The following SIPA1L3 variants were observed in gnomAD, a reference collection of about 807,000 sequenced individuals.
SIPA1L3 encodes signal induced proliferation associated 1 like 3, also known as signal-induced proliferation-associated 1-like protein 3.
In SIPA1L3, 59 loss-of-function variants were observed where a neutral mutation model predicts 150.1. The ratio of observed to expected loss-of-function variants is 0.39; its 90% CI spans 0.32 to 0.49. SIPA1L3 has a LOEUF of 0.49. SIPA1L3 is among the 20% of genes least tolerant of loss of function. SIPA1L3 has a pLI of 0.86. For synonymous variants in SIPA1L3, 1,070 were observed against 1,077.6 expected (o/e 0.99, Z 0.14); for missense variants, 2,211 against 2,489.5 (o/e 0.89, Z 2.38).
At position 38,100,189 on chromosome 19, in the gene SIPA1L3, G is replaced by A. The variant is rs577247012; in HGVS notation, c.1854+39G>A. The A allele has an allele frequency of 4.1e-6, 6 of 1,449,656 alleles. No individual in the cohort carries two copies. In the South Asian group the frequency reaches 4.3e-5, roughly 10 times the overall value. 89.8% of individuals were successfully genotyped at this position (1,449,656 alleles called of 1,614,324 possible). Reference sequence around the variant, plus strand: ...TGGAGGTGGGGGTGCTGCTGGGGCAGTACCTTGCAACCCCACTCCTGGTAG... The same window carrying A: ...TGGAGGTGGGGGTGCTGCTGGGGCAATACCTTGCAACCCCACTCCTGGTAG... On this transcript the variant is annotated intron_variant, in intron 5 of 21. Coordinates refer to ENST00000222345, the MANE Select transcript of SIPA1L3 (RefSeq NM_015073.3).
intron 2 of SIPA1L3, among the ~76,000 whole-genome samples, chr19:38,069,668 A>G (rs1397299758): frequency 6.6e-6 from 1 of 150,906 alleles, no homozygotes. Flanking sequence ...ATTTTTTTTT[A>G]TTTTTTATTT....
chr19:38,101,748 A>G (rs999022688), intron 6 of SIPA1L3, among the ~76,000 whole-genome samples: 2 of 152,116 alleles, frequency 1.3e-5, no homozygotes, highest in Admixed American at 1.3e-4. Context: ...AGCACATTCA[A>G]GTCCAGTTTG....
chr19:38,205,502 T>TC (rs1248114535), intron 21 of SIPA1L3, among the ~76,000 whole-genome samples: 1 of 151,806 alleles, frequency 6.6e-6, no homozygotes, highest in South Asian at 2.1e-4. Flanking sequence ...TATCTATTGT[T>TC]TCTATACTTC....
intron 1 of SIPA1L3, among the ~76,000 whole-genome samples, chr19:37,982,415 G>T (rs960863386): frequency 6.6e-6 from 1 of 152,204 alleles, no homozygotes; most frequent in Non-Finnish European, 1.5e-5. Context: ...GCTGGCCAAG[G>T]TACTGGAGAT....
At chr19:37,948,475 GA>G (rs879547679) in intron 1 of SIPA1L3, among the ~76,000 whole-genome samples, 1,408 of 130,750 alleles carry the variant, frequency 0.011, 33 homozygotes, top group East Asian at 0.077. Flanking sequence ...TTAAAAAAAA[GA>G]AAAAAAAAAA....
At chr19:38,113,188 G>A (rs1439786132) in intron 8 of SIPA1L3, among the ~76,000 whole-genome samples, 1 of 150,848 alleles carries the variant, frequency 6.6e-6, no homozygotes, top group East Asian at 1.9e-4. Context: ...TCCAGCCTGG[G>A]CTACAGAGCG....
At chr19:37,914,485 T>C (rs560902406) in intron 1 of SIPA1L3, among the ~76,000 whole-genome samples, 2 of 151,918 alleles carry the variant, frequency 1.3e-5, no homozygotes, top group Non-Finnish European at 2.9e-5. Context: ...TCCTCCTGCC[T>C]CAGCCTCCCA....
At chr19:37,937,643 T>C (rs1239753679) in intron 1 of SIPA1L3, among the ~76,000 whole-genome samples, 1 of 140,590 alleles carries the variant, frequency 7.1e-6, no homozygotes, top group Non-Finnish European at 1.5e-5. Context: ...TTAGGAGGCT[T>C]AGGAGGAAGG....
At chr19:38,142,517 G>T in intron 11 of SIPA1L3, 56 bp from the exon 12 acceptor site, 1 of 1,539,758 alleles carries the variant, frequency 6.5e-7, no homozygotes. Context: ...ATCCTCCCAG[G>T]GCAGGGGTAC....
intron 18 of SIPA1L3, among the ~76,000 whole-genome samples, chr19:38,196,615 A>AGAGCATGGAGGTCAAGGGTG (rs573203207): frequency 1.5e-5 from 2 of 134,548 alleles, no homozygotes; most frequent in Non-Finnish European, 3.2e-5. Flanking sequence ...GGTCAAGGGC[A>AGAGCATGGAGGTCAAGGGTG]GAGCATGGAG....
intron 2 of SIPA1L3, among the ~76,000 whole-genome samples, chr19:38,070,324 C>G (rs1969689228): frequency 6.6e-6 from 1 of 151,796 alleles, no homozygotes; most frequent in Admixed American, 6.6e-5. Flanking sequence ...ATCCTCCCAC[C>G]TCAGCCTCCC....
intron 1 of SIPA1L3, among the ~76,000 whole-genome samples, chr19:37,947,574 A>G (rs1568474463): frequency 6.6e-6 from 1 of 151,568 alleles, no homozygotes; most frequent in Non-Finnish European, 1.5e-5. Flanking sequence ...GTTCTTTCCC[A>G]CTAATATGAA....
At chr19:38,171,171 T>G (rs1315155956) in intron 15 of SIPA1L3, among the ~76,000 whole-genome samples, 1 of 152,080 alleles carries the variant, frequency 6.6e-6, no homozygotes, top group Non-Finnish European at 1.5e-5. Flanking sequence ...GAATTAGAGT[T>G]GCGTGTGCAA....
chr19:38,061,387 C>G (rs571660659), intron 2 of SIPA1L3, among the ~76,000 whole-genome samples: 1 of 151,846 alleles, frequency 6.6e-6, no homozygotes, highest in African/African-American at 2.4e-5. Flanking sequence ...CTTTTGTTTT[C>G]TATAATAATC....
At chr19:38,124,674 A>G (rs376415812) in intron 9 of SIPA1L3, among the ~76,000 whole-genome samples, 13,523 of 151,044 alleles carry the variant, frequency 0.09, 1,441 homozygotes, top group African/African-American at 0.29. Flanking sequence ...AGGTTGTAGC[A>G]AGCCGAGATC....
At chr19:38,097,532 A>C (rs1298660973) in intron 4 of SIPA1L3, among the ~76,000 whole-genome samples, 2 of 152,104 alleles carry the variant, frequency 1.3e-5, no homozygotes, top group Non-Finnish European at 2.9e-5. Flanking sequence ...GCTTTCTGAT[A>C]CTTTCTTTGG....
intron 1 of SIPA1L3, among the ~76,000 whole-genome samples, chr19:37,983,461 A>C (rs1017628765): frequency 2.0e-5 from 3 of 152,214 alleles, no homozygotes; most frequent in Non-Finnish European, 2.9e-5. Context: ...GCACTGGCTT[A>C]AGAGTTAGCA....
chr19:38,195,237 C>T (rs2146052159), intron 18 of SIPA1L3, among the ~76,000 whole-genome samples: 1 of 152,320 alleles, frequency 6.6e-6, no homozygotes, highest in South Asian at 2.1e-4. Flanking sequence ...CCGCCATGCT[C>T]TTCCCTCAGT....
In SIPA1L3 at chr19:38,082,927, C is replaced by T. The variant is rs779261920; in HGVS notation, c.1362C>T (p.Ser454=). 3 of 1,613,016 alleles carry T rather than the reference C, an allele frequency of 1.9e-6. No homozygotes were observed. The highest frequency in any genetic ancestry group is 1.7e-6 in the Non-Finnish European group (2 of 1,179,900). The change falls in exon 3 of 22, where the codon AGC becomes AGT. Residue 454 remains serine, a synonymous_variant. Coordinates refer to ENST00000222345, the MANE Select transcript of SIPA1L3 (RefSeq NM_015073.3). ...FSRASVGSPS[S]GEGHLAEPAL... ...GGGCTTCCGTGGGCTCCCCGAGCAGCGGCGAGGGCCACCTGGCAGAGCCCG... is the reference window on the plus strand; with the variant it reads ...GGGCTTCCGTGGGCTCCCCGAGCAGTGGCGAGGGCCACCTGGCAGAGCCCG...
Sources: allele counts gnomAD v4.1 joint callset (sites outside exome capture counted in the v4.1 genomes callset), GRCh38; gene constraint gnomAD v4.1.1; transcripts MANE v1.5; gene names NCBI Gene and HGNC (gene_info 2026-07-23, HGNC 2026-07-21).